The following KAZN variants were observed in gnomAD, a reference collection of about 807,000 sequenced individuals.
The protein encoded by KAZN is kazrin, periplakin interacting protein, also known as kazrin.
Under a neutral mutation model 87.4 loss-of-function variants are expected in KAZN, and 40 were observed. That is an observed-to-expected ratio of 0.46 (90% CI 0.36 to 0.60). KAZN has a LOEUF of 0.60. Among genes scored for constraint, KAZN ranks in the 20% least tolerant of loss-of-function variants. The pLI is 0.00. For synonymous variants in KAZN, 466 were observed against 458.3 expected, an observed-to-expected ratio of 1.02 and a Z score of -0.22; for missense variants, 898 against 1,073.9, an observed-to-expected ratio of 0.84 and a Z score of 2.29.
intron 13 of KAZN, among the ~76,000 whole-genome samples, chr1:15,109,352 G>T (rs1023591969): frequency 6.6e-6 from 1 of 152,138 alleles, no homozygotes; most frequent in Admixed American, 6.5e-5. Flanking sequence ...CTGGGCAACA[G>T]AGCGAGACCC....
intron 2 of KAZN, among the ~76,000 whole-genome samples, chr1:14,486,854 C>T (rs535316459): frequency 2.0e-5 from 3 of 152,140 alleles, no homozygotes; most frequent in Non-Finnish European, 4.4e-5. Context: ...GCCAGGCCAT[C>T]GGTTTGACCT....
chr1:14,839,802 A>C (rs1572620070), intron 1 of KAZN, among the ~76,000 whole-genome samples: 1 of 152,302 alleles, frequency 6.6e-6, no homozygotes, highest in East Asian at 1.9e-4. Context: ...AATGAAAGAC[A>C]TTGGGGCTTG....
At chr1:14,383,257 T>C (rs1661537731) in intron 2 of KAZN, among the ~76,000 whole-genome samples, 1 of 149,766 alleles carries the variant, frequency 6.7e-6, no homozygotes, top group African/African-American at 2.4e-5. Context: ...TTCTCCCATT[T>C]TGTAGGTTGC....
At chr1:14,344,163 CTTTTTTTT>C (rs55837460) in intron 2 of KAZN, among the ~76,000 whole-genome samples, 1 of 122,636 alleles carries the variant, frequency 8.2e-6, no homozygotes, top group African/African-American at 3.0e-5. Context: ...TTCATGTATT[CTTTTTTTT>C]TTTTTTTTTG....
intron 2 of KAZN, among the ~76,000 whole-genome samples, chr1:14,295,336 G>C (rs892531313): frequency 6.6e-6 from 1 of 152,050 alleles, no homozygotes; most frequent in East Asian, 1.9e-4. Context: ...AAAGATCTTT[G>C]CATATTCTGC....
chr1:14,527,627 C>T (rs192920498), intron 2 of KAZN, among the ~76,000 whole-genome samples: 4 of 151,882 alleles, frequency 2.6e-5, no homozygotes, highest in African/African-American at 4.8e-5. Flanking sequence ...AACACAATGC[C>T]GGCATCTGCT....
intron 1 of KAZN, among the ~76,000 whole-genome samples, chr1:14,740,102 C>A (rs915019441): frequency 1.3e-5 from 2 of 152,104 alleles, no homozygotes; most frequent in African/African-American, 4.8e-5. Context: ...GTGGATCAGA[C>A]CCAAGCCGAG....
intron 2 of KAZN, among the ~76,000 whole-genome samples, chr1:14,965,573 A>G (rs1038191060): frequency 1.3e-5 from 2 of 152,232 alleles, no homozygotes; most frequent in Admixed American, 1.3e-4. Context: ...TTGAAAACAT[A>G]ATTTTTAATG....
chr1:14,986,168 G>A (rs1392225311), intron 2 of KAZN, among the ~76,000 whole-genome samples: 1 of 152,048 alleles, frequency 6.6e-6, no homozygotes, highest in East Asian at 1.9e-4. Context: ...AAACCATTAA[G>A]GAGATGTTTG....
At chr1:14,890,108 G>A (rs1572742428) in intron 1 of KAZN, among the ~76,000 whole-genome samples, 1 of 152,318 alleles carries the variant, frequency 6.6e-6, no homozygotes, top group Middle Eastern at 3.4e-3. Context: ...TTACCACAGG[G>A]ACCCTGAGGG....
At chr1:14,786,236 G>A (rs1645504909) in intron 1 of KAZN, among the ~76,000 whole-genome samples, 1 of 152,078 alleles carries the variant, frequency 6.6e-6, no homozygotes, top group African/African-American at 2.4e-5. Context: ...TGTATCTTGG[G>A]CACTGCAGTA....
chr1:14,898,450 C>G lies in KAZN; in HGVS notation c.227-62234C>G, dbSNP rs145007410. On this transcript the variant is annotated intron_variant, in intron 1 of 14. Coordinates refer to ENST00000376030, the MANE Select transcript of KAZN (RefSeq NM_201628.3). ...GCTCCAGAAGGTCAAATCAAAGCAT[C>G]TGGTGTCTACGTCTGGTCAGCAGAT... is the stretch of plus-strand genomic sequence containing the variant. Among the ~76,000 whole-genome samples, 357 of 152,252 alleles carry G rather than the reference C, an allele frequency of 2.3e-3. 1 individual carries two copies. Among genetic ancestry groups the G allele is most frequent in the African/African-American group, 8.1e-3 (336 of 41,548 alleles).
chr1:14,229,446 T>C lies in KAZN; in HGVS notation c.249+48854T>C, dbSNP rs1477084608. Among the ~76,000 whole-genome samples, 7 of 152,258 alleles carry C rather than the reference T, an allele frequency of 4.6e-5. No homozygotes were observed. The East Asian group carries it at 1.3e-3, about 29-fold the overall frequency. On this transcript the variant is annotated intron_variant, in intron 2 of 16. Transcript: ENST00000636203. Reference sequence around the variant, plus strand: ...AGTCTGAATATGAATATTTTATGTCTGTGTAACATATTTTATATAAAGGTA... The same window carrying C: ...AGTCTGAATATGAATATTTTATGTCCGTGTAACATATTTTATATAAAGGTA...
chr1:14,674,296 A>G (rs1220695740), intron 1 of KAZN, among the ~76,000 whole-genome samples: 1 of 152,238 alleles, frequency 6.6e-6, no homozygotes, highest in East Asian at 1.9e-4. Flanking sequence ...TCTTTCCTGC[A>G]AAGTTGTGAG....
intron 8 of KAZN, among the ~76,000 whole-genome samples, chr1:15,092,350 C>T (rs1640590130): frequency 6.6e-6 from 1 of 152,090 alleles, no homozygotes; most frequent in Non-Finnish European, 1.5e-5. Context: ...GCTGGGATTA[C>T]AGGCATGAGC....
intron 2 of KAZN, among the ~76,000 whole-genome samples, chr1:14,334,364 CAAAAAAAAAAAAAAA>C (rs34525897): frequency 1.9e-3 from 115 of 61,392 alleles, no homozygotes; most frequent in African/African-American, 3.6e-3. Flanking sequence ...GATTCCATCT[CAAAAAAAAAAAAAAA>C]AAAAAAAAAA....
chr1:14,582,039 A>G (rs1675588661), intron 2 of KAZN, among the ~76,000 whole-genome samples: 1 of 149,450 alleles, frequency 6.7e-6, no homozygotes, highest in Non-Finnish European at 1.5e-5. Flanking sequence ...GACTTTGCCT[A>G]TTTTTTTTTC....
intron 2 of KAZN, among the ~76,000 whole-genome samples, chr1:14,344,007 T>C (rs1357918634): frequency 2.0e-5 from 3 of 152,200 alleles, no homozygotes; most frequent in Non-Finnish European, 2.9e-5. Context: ...TGCTAGGTGA[T>C]AGATCCAGAA....
At chr1:14,641,056 G>C (rs770010885) in intron 1 of KAZN, among the ~76,000 whole-genome samples, 1 of 152,192 alleles carries the variant, frequency 6.6e-6, no homozygotes, top group Non-Finnish European at 1.5e-5. Context: ...ATTCCCAACA[G>C]TCCCAGCAGA....
Sources: gnomAD v4.1 joint callset for allele counts (sites outside exome capture counted in the v4.1 genomes callset) on GRCh38, gnomAD v4.1.1 for gene constraint, MANE v1.5 for transcripts, NCBI Gene and HGNC (gene_info 2026-07-23, HGNC 2026-07-21) for gene names.